ZBED1: variants seen among roughly 807,000 people sequenced by gnomAD.
The protein encoded by ZBED1 is zinc finger BED-type containing 1.
ZBED1 carries 19 observed loss-of-function variants against 49.7 expected under a neutral mutation model. The ratio of observed to expected loss-of-function variants is 0.38; its 90% confidence interval spans 0.27 to 0.56. The LOEUF (loss-of-function observed/expected upper bound fraction) is 0.56. Among genes scored for constraint, ZBED1 ranks in the 20% least tolerant of loss-of-function variants. The pLI is 0.70. For synonymous variants in ZBED1, 439 were observed against 440.3 expected (o/e 1.00, Z 0.04); for missense variants, 806 against 972.6 (o/e 0.83, Z 2.28).
In ZBED1 at chrX:2,489,121, C is replaced by T. The variant is rs774682124; in HGVS notation, c.1599G>A (p.Met533Ile). ...TGGCGGGCGGCGGCGTGGATGTCCG[C>T]ATGAGCTTCTTGACGGGAGGCTCCT... is the stretch of plus-strand genomic sequence containing the variant. ...VPEEPPVKKL[M>I]RTSTPPPASV... The change falls in exon 2 of 2, where the codon ATG becomes ATA. Residue 533 changes from methionine (M) to isoleucine (I), a missense_variant. By Grantham distance (10) the Met-to-Ile change is conservative (BLOSUM62 1). Transcript: ENST00000652001. 4 of 1,613,670 alleles carry T rather than the reference C, an allele frequency of 2.5e-6. No homozygotes were observed. The highest frequency in any genetic ancestry group is 2.5e-6 in the Non-Finnish European group (3 of 1,179,850).
intron 1 of ZBED1, among the ~76,000 whole-genome samples, chrX:2,495,601 T>C (rs1023144832): frequency 2.7e-5 from 4 of 145,556 alleles, no homozygotes; most frequent in South Asian, 2.2e-4. Flanking sequence ...GGGTTCCACC[T>C]GAACCCACGT....
Position 2,500,875 on chromosome X carries a change from G to C in ZBED1, c.-112C>G. 8.6e-7 allele frequency: 1 copy of C among 1,157,190 alleles called. No homozygotes were observed. Among genetic ancestry groups the C allele is most frequent in the Non-Finnish European group, 1.1e-6 (1 of 934,010 alleles). The allele number at this position is 1,157,190 out of a possible 1,614,324, so 71.7% of individuals were successfully genotyped here. A position where few individuals can be genotyped will look rare whatever the true frequency, so the allele number is the denominator to read the frequency against. On this transcript the variant is annotated 5_prime_UTR_variant, in exon 1 of 2. Transcript: ENST00000652001. ...GCAGCTGCGCCAGGATCACCGCGGCGCCTACCGCGTAGACCCGCAGGGCCG... is the reference window on the plus strand; with the variant it reads ...GCAGCTGCGCCAGGATCACCGCGGCCCCTACCGCGTAGACCCGCAGGGCCG...
At chrX:2,492,285 T>C (rs1032406657) in intron 1 of ZBED1, among the ~76,000 whole-genome samples, 20 of 151,652 alleles carry the variant, frequency 1.3e-4, no homozygotes, top group African/African-American at 4.6e-4. Flanking sequence ...GTGTCCTTAA[T>C]AGAAGACAGA....
chrX:2,491,466 G>A (rs1323901712), intron 1 of ZBED1, among the ~76,000 whole-genome samples: 1 of 152,110 alleles, frequency 6.6e-6, no homozygotes, highest in Non-Finnish European at 1.5e-5. Context: ...CTTTTCTGGG[G>A]ATGAAGCCTA....
At position 2,489,618 on chromosome X, in the gene ZBED1, G is replaced by C. The variant is rs763582021; in HGVS notation, c.1102C>G (p.Gln368Glu). Residue 368 changes from glutamine to glutamate, a missense_variant, in exon 2 of 2, where the codon CAG (glutamine) becomes GAG (glutamate). Gln to Glu is a conservative substitution (Grantham distance 29). This residue lies in a region of ZBED1 where 749 missense variants were observed against 861.3 expected (regional missense o/e 0.87). Coordinates refer to ENST00000652001, the MANE Select transcript of ZBED1 (RefSeq NM_001171136.2). ...ACCAAGACCCCGGCGATGACGAACT[G>C]CTGCTCCTTGAGGCGCTGCAGCATG... Reference protein sequence around the residue: ...LAMLQRLKEQQFVIAGVLVED... With the variant: ...LAMLQRLKEQEFVIAGVLVED... The C allele has an allele frequency of 6.2e-7, 1 of 1,612,662 alleles. No individual in the cohort carries two copies. The highest frequency in any genetic ancestry group is 8.5e-7 in the Non-Finnish European group (1 of 1,179,834).
In ZBED1 at chrX:2,488,603, G is replaced by A. The variant is rs201120535; in HGVS notation, c.*32C>T. Reference sequence around the variant, plus strand: ...AGCAAAGCATCCAATGGGCTGCTGCGGGGATGACTTGTAAGACAACACGCT... The same window carrying A: ...AGCAAAGCATCCAATGGGCTGCTGCAGGGATGACTTGTAAGACAACACGCT... On this transcript the variant is annotated 3_prime_UTR_variant, in exon 2 of 2. Transcript: ENST00000652001. 40 of 1,553,290 alleles carry A rather than the reference G, an allele frequency of 2.6e-5. No individual in the cohort carries two copies. The highest frequency in any genetic ancestry group is 2.3e-4 in the Middle Eastern group (1 of 4,424).
intron 1 of ZBED1, among the ~76,000 whole-genome samples, chrX:2,491,173 G>T (rs1164960728): frequency 2.7e-5 from 4 of 150,446 alleles, no homozygotes; most frequent in Non-Finnish European, 5.9e-5. Flanking sequence ...GGGTTCAAGC[G>T]ATCTTCCTGC....
chrX:2,488,473 C>T lies in ZBED1; in HGVS notation c.*162G>A. ...TATAGACAGGAGCCACCGCCCCCGACCCTCTCTCACTTCTCAAATCTCTTT... is the reference window on the plus strand; with the variant it reads ...TATAGACAGGAGCCACCGCCCCCGATCCTCTCTCACTTCTCAAATCTCTTT... On this transcript the variant is annotated 3_prime_UTR_variant, in exon 2 of 2. Coordinates refer to ENST00000652001, the MANE Select transcript of ZBED1 (RefSeq NM_001171136.2). The T allele has an allele frequency of 1.0e-6, 1 of 987,508 alleles. No individual in the cohort carries two copies. Among genetic ancestry groups the T allele is most frequent in the Admixed American group, 3.1e-5 (1 of 32,178 alleles). 61.2% of individuals were successfully genotyped at this position (987,508 alleles called of 1,614,324 possible). A position where few individuals can be genotyped will look rare whatever the true frequency, so the allele number is the denominator to read the frequency against.
intron 1 of ZBED1, among the ~76,000 whole-genome samples, chrX:2,491,471 A>T (rs2045143748): frequency 6.6e-6 from 1 of 152,142 alleles, no homozygotes; most frequent in African/African-American, 2.4e-5. Context: ...CTGGGGATGA[A>T]GCCTACATAG....
chrX:2,500,974 T>C lies in ZBED1; in HGVS notation c.-211A>G. ...CGCTTCCGCGCCGCCCGCGGGACTC[T>C]GCGCCCGCCCGCCCGGACGGACGGC... On this transcript the variant is annotated 5_prime_UTR_variant, in exon 1 of 2. Coordinates refer to ENST00000652001, the MANE Select transcript of ZBED1 (RefSeq NM_001171136.2). 4 of 951,924 alleles carry C rather than the reference T, an allele frequency of 4.2e-6. No individual in the cohort carries two copies. The highest frequency in any genetic ancestry group is 2.5e-6 in the Non-Finnish European group (2 of 794,508). 59.0% of individuals were successfully genotyped at this position (951,924 alleles called of 1,614,324 possible).
rs745440861 is a variant in ZBED1, at chrX:2,489,627, T to G, written c.1093A>C (p.Lys365Gln). ...CCGGCGATGACGAACTGCTGCTCCT[T>G]GAGGCGCTGCAGCATGGCCAGCGTG... Reference protein sequence around the residue: ...GSTLAMLQRLKEQQFVIAGVL... With the variant: ...GSTLAMLQRLQEQQFVIAGVL... The change falls in exon 2 of 2, where the codon AAG (lysine) becomes CAG (glutamine). Residue 365 changes from lysine to glutamine, a missense_variant. Lys to Gln is a moderately conservative substitution (Grantham distance 53). Transcript: ENST00000652001. 2.5e-6 allele frequency: 4 copies of G among 1,612,476 alleles called. No homozygotes were observed. Among genetic ancestry groups the G allele is most frequent in the Non-Finnish European group, 3.4e-6 (4 of 1,179,770 alleles).
intron 1 of ZBED1, among the ~76,000 whole-genome samples, chrX:2,492,452 T>C (rs940468893): frequency 8.9e-5 from 13 of 146,302 alleles, no homozygotes; most frequent in Admixed American, 4.2e-4. Flanking sequence ...GATAAAATCA[T>C]GGTGGATTGA....
At chrX:2,490,958 G>A (rs140702900) in intron 1 of ZBED1, among the ~76,000 whole-genome samples, 186 bp from the exon 2 acceptor site, 2,814 of 152,148 alleles carry the variant, frequency 0.018, 91 homozygotes, top group African/African-American at 0.063. Context: ...GCAGGAATAC[G>A]CTCTTTCTTC....
chrX:2,489,391 C>A lies in ZBED1; in HGVS notation c.1329G>T (p.Glu443Asp). ...TLNIKETDSKELSMAKEVIAK... is the reference protein window; with the variant it reads ...TLNIKETDSKDLSMAKEVIAK... ...CGATGACCTCCTTGGCCATGCTGAG[C>A]TCCTTGGAGTCGGTCTCCTTGATGT... Residue 443 changes from glutamate (E) to aspartate (D), a missense_variant, in exon 2 of 2, where the codon GAG becomes GAT. By Grantham distance (45) the Glu-to-Asp change is conservative. This residue lies in a region of ZBED1 where 749 missense variants were observed against 861.3 expected (regional missense o/e 0.87). Transcript: ENST00000652001. The A allele has an allele frequency of 6.2e-7, 1 of 1,613,956 alleles. No individual in the cohort carries two copies. Among genetic ancestry groups the A allele is most frequent in the African/African-American group, 1.3e-5 (1 of 75,046 alleles).
Position 2,489,961 on chromosome X carries a change from C to T in ZBED1, c.759G>A (p.Glu253=), listed in dbSNP as rs773485536. The T allele has an allele frequency of 2.5e-6, 4 of 1,613,908 alleles. No individual in the cohort carries two copies. Among genetic ancestry groups the T allele is most frequent in the South Asian group, 1.1e-5 (1 of 91,080 alleles). Residue 253 remains glutamate (E), a synonymous_variant, in exon 2 of 2, where the codon GAG becomes GAA. Transcript: ENST00000652001. ...TAETITRVLY[E]VFIEWGISAK... is the part of the protein sequence containing the mutation. ...CGCTGATGCCCCACTCGATGAAGAC[C>T]TCATAGAGCACTCGCGTGATGGTCT...
At chrX:2,499,637 T>C (rs1233906894) in intron 1 of ZBED1, among the ~76,000 whole-genome samples, 8 of 151,430 alleles carry the variant, frequency 5.3e-5, no homozygotes, top group Admixed American at 2.0e-4. Flanking sequence ...CCAGGCGTGG[T>C]GGCTCACGCC....
intron 1 of ZBED1, among the ~76,000 whole-genome samples, chrX:2,491,226 C>T (rs1172597431): frequency 6.6e-6 from 1 of 152,088 alleles, no homozygotes; most frequent in Non-Finnish European, 1.5e-5. Flanking sequence ...CCTGCCATCA[C>T]GCCTGGCTAA....
intron 1 of ZBED1, among the ~76,000 whole-genome samples, chrX:2,497,069 G>A (rs1237054943): frequency 5.9e-5 from 9 of 151,988 alleles, no homozygotes. Flanking sequence ...AACTGTCTGG[G>A]GTCCTCATTT....
intron 1 of ZBED1, among the ~76,000 whole-genome samples, chrX:2,493,523 G>T (rs2124122256): frequency 6.6e-6 from 1 of 151,480 alleles, no homozygotes; most frequent in East Asian, 1.9e-4. Context: ...TGAAGGAAAG[G>T]TTTCAATTCC....
Sources: allele counts gnomAD v4.1 joint callset (sites outside exome capture counted in the v4.1 genomes callset), GRCh38; gene constraint gnomAD v4.1.1; regional missense constraint gnomAD v4.1.1; transcripts MANE v1.5; gene names NCBI Gene and HGNC (gene_info 2026-07-23, HGNC 2026-07-21).